Variants in TMPRSS11D observed in about 807,000 individuals in gnomAD.
The protein encoded by TMPRSS11D is transmembrane serine protease 11D.
In TMPRSS11D, 32 loss-of-function variants were observed where a neutral mutation model predicts 44.4. The observed-to-expected ratio is 0.72, with a 90% CI of 0.54 to 0.97. TMPRSS11D has a LOEUF of 0.97. Among genes scored for constraint, TMPRSS11D ranks in the 50% least tolerant of loss-of-function variants. TMPRSS11D has a pLI of 0.00. For missense variants in TMPRSS11D, 446 were observed against 502.6 expected, an observed-to-expected ratio of 0.89 and a Z score of 1.08; for synonymous variants, 179 against 177.9, an observed-to-expected ratio of 1.01 and a Z score of -0.05.
rs535588182 is a variant in TMPRSS11D, at chr4:67,842,124, A to T, written c.317+434T>A. Among the ~76,000 whole-genome samples, 10 of 152,312 alleles carry T rather than the reference A, an allele frequency of 6.6e-5. No homozygotes were observed. In the East Asian group the frequency reaches 1.9e-3, roughly 29 times the overall value. ...GATTTGGCCATAATACCCTTTTATT[A>T]TAGCACATCAGGCAGATAAAACCAA... On this transcript the variant is annotated intron_variant, in intron 4 of 9. Transcript: ENST00000283916.
intron 4 of TMPRSS11D, 36 bp from the exon 5 acceptor site, chr4:67,838,365 T>C: frequency 1.3e-6 from 2 of 1,489,552 alleles, no homozygotes; most frequent in African/African-American, 1.4e-5. Flanking sequence ...AAACAAATAA[T>C]ATGACAATTT....
intron 7 of TMPRSS11D, among the ~76,000 whole-genome samples, chr4:67,832,252 G>C (rs1018640307): frequency 1.6e-4 from 24 of 152,036 alleles, no homozygotes; most frequent in African/African-American, 5.3e-4. Flanking sequence ...GTAAGAGTCT[G>C]AGAAGAAAAT....
rs910606986 is a variant in TMPRSS11D at position 67,871,298 on chromosome 4, A to C, written c.9-11620T>G. On this transcript the variant is annotated intron_variant, in intron 1 of 9. Transcript: ENST00000283916. ...AGCTGTGATACAGCTCTGCACTCAT[A>C]ATTTGCAAGGCAAGAATTTTCAGAT... is the stretch of plus-strand genomic sequence containing the variant. Among the ~76,000 whole-genome samples the C allele has an allele frequency of 7.2e-5, 11 of 152,236 alleles. 1 individual carries two copies. In the East Asian group the frequency reaches 2.1e-3, roughly 29 times the overall value.
intron 1 of TMPRSS11D, among the ~76,000 whole-genome samples, chr4:67,877,531 C>T (rs1484151592): frequency 6.6e-6 from 1 of 152,190 alleles, no homozygotes; most frequent in East Asian, 1.9e-4. Context: ...GTATCTTTCA[C>T]ATATCTCTAT....
intron 4 of TMPRSS11D, 131 bp from the exon 5 acceptor site, chr4:67,838,460 A>G (rs987804235): frequency 1.2e-5 from 10 of 844,752 alleles, no homozygotes; most frequent in East Asian, 3.0e-5. Flanking sequence ...AGATCTCTGT[A>G]ACAGTGTTTG....
intron 2 of TMPRSS11D, among the ~76,000 whole-genome samples, chr4:67,859,355 TG>T (rs926405911): frequency 6.6e-6 from 1 of 151,762 alleles, no homozygotes; most frequent in African/African-American, 2.4e-5. Context: ...GCACTAAAAA[TG>T]GCCAAAATAG....
intron 1 of TMPRSS11D, among the ~76,000 whole-genome samples, chr4:67,883,538 A>T (rs1404978602): frequency 6.6e-6 from 1 of 152,010 alleles, no homozygotes; most frequent in African/African-American, 2.4e-5. Flanking sequence ...TAAAACTGTA[A>T]TGGAAGTCAA....
At chr4:67,856,169 A>G (rs1397475890) in intron 2 of TMPRSS11D, among the ~76,000 whole-genome samples, 1 of 152,202 alleles carries the variant, frequency 6.6e-6, no homozygotes, top group African/African-American at 2.4e-5. Flanking sequence ...AAGAGCCCAA[A>G]TAGTCGAATC....
chr4:67,871,325 CT>C (rs1331879340), intron 1 of TMPRSS11D, among the ~76,000 whole-genome samples: 1 of 152,132 alleles, frequency 6.6e-6, no homozygotes, highest in Non-Finnish European at 1.5e-5. Context: ...TTTTCAGATG[CT>C]GTTTCTGATC....
chr4:67,824,239 A>G lies in TMPRSS11D; in HGVS notation c.1095+1493T>C, dbSNP rs548035119. Among the ~76,000 whole-genome samples, 18 of 151,890 alleles carry G rather than the reference A, an allele frequency of 1.2e-4. No homozygotes were observed. In the East Asian group the frequency reaches 3.5e-3, roughly 29 times the overall value. Reference sequence around the variant, plus strand: ...TACATGGAAGGTATCATGGTGAGGTACGGCTTGAACTGGGCTTCAAGGAAG... The same window carrying G: ...TACATGGAAGGTATCATGGTGAGGTGCGGCTTGAACTGGGCTTCAAGGAAG... On this transcript the variant is annotated intron_variant, in intron 9 of 9. Transcript: ENST00000283916.
intron 1 of TMPRSS11D, among the ~76,000 whole-genome samples, chr4:67,873,184 G>A (rs566554018): frequency 2.5e-4 from 38 of 152,240 alleles, no homozygotes; most frequent in African/African-American, 8.7e-4. Flanking sequence ...TCTGTAGCCC[G>A]AACTGATGAA....
At chr4:67,853,973 A>C in intron 3 of TMPRSS11D, 95 bp downstream of exon 3, 1 of 707,636 alleles carries the variant, frequency 1.4e-6, no homozygotes, top group Non-Finnish European at 2.3e-6. Context: ...AAATATGTAG[A>C]GCACTTAGCA....
intron 2 of TMPRSS11D, among the ~76,000 whole-genome samples, chr4:67,858,022 C>T (rs557458278): frequency 1.6e-4 from 25 of 152,144 alleles, no homozygotes; most frequent in African/African-American, 4.6e-4. Context: ...AAAACAACAA[C>T]GACAACAGGG....
intron 3 of TMPRSS11D, among the ~76,000 whole-genome samples, chr4:67,843,719 C>G (rs988350656): frequency 4.3e-4 from 65 of 151,986 alleles, no homozygotes; most frequent in African/African-American, 1.5e-3. Flanking sequence ...GTCAGGAGAT[C>G]GAGACCATCC....
At chr4:67,869,422 C>A (rs574101066) in intron 1 of TMPRSS11D, among the ~76,000 whole-genome samples, 1 of 151,804 alleles carries the variant, frequency 6.6e-6, no homozygotes. Flanking sequence ...ATTACCTATA[C>A]GCTATATAAT....
chr4:67,878,482 T>C (rs1041475706), intron 1 of TMPRSS11D, among the ~76,000 whole-genome samples: 5 of 152,184 alleles, frequency 3.3e-5, no homozygotes, highest in Non-Finnish European at 7.3e-5. Context: ...AGATAGGTAT[T>C]TGTCTAATGT....
Position 67,874,439 on chromosome 4 carries a change from CA to C in TMPRSS11D, c.8+9486del, listed in dbSNP as rs934904507. On this transcript the variant is annotated intron_variant, in intron 1 of 9. Transcript: ENST00000283916. ...ATCGTTATCTCTACAAAATGTGTCC[CA>C]AAGTGGTGAGAAATTTGGTACATTA... Among the ~76,000 whole-genome samples, 9 of 152,068 alleles carry C rather than the reference CA, an allele frequency of 5.9e-5. 1 individual carries two copies. The highest frequency in any genetic ancestry group is 2.2e-4 in the African/African-American group (9 of 41,404).
chr4:67,850,584 G>A (rs765699177), intron 3 of TMPRSS11D, among the ~76,000 whole-genome samples: 9 of 152,166 alleles, frequency 5.9e-5, no homozygotes, highest in Non-Finnish European at 1.3e-4. Flanking sequence ...GGGAAGCGCA[G>A]CAGCAAGGGC....
intron 5 of TMPRSS11D, 103 bp from the exon 6 acceptor site, chr4:67,835,224 TTGTTGG>T: frequency 8.9e-7 from 1 of 1,122,816 alleles, no homozygotes; most frequent in South Asian, 1.4e-5. Context: ...GCAGAATTAC[TTGTTGG>T]GGTTGGGAGG....
Sources: gnomAD v4.1 joint callset for allele counts (sites outside exome capture counted in the v4.1 genomes callset) on GRCh38, gnomAD v4.1.1 for gene constraint, MANE v1.5 for transcripts, NCBI Gene and HGNC (gene_info 2026-07-23, HGNC 2026-07-21) for gene names.